Variants in DPP10 observed in about 807,000 individuals in gnomAD.
DPP10 encodes the protein inactive dipeptidyl peptidase 10.
DPP10 carries 33 observed loss-of-function variants against 120.9 expected under a neutral mutation model. The observed-to-expected ratio is 0.27, with a 90% CI of 0.21 to 0.37. DPP10 has a LOEUF of 0.37. Ranked by LOEUF, DPP10 falls within the 10% of genes least tolerant of loss-of-function variation. DPP10 has a pLI of 1.00. For synonymous variants in DPP10, 337 were observed against 326.1 expected, an observed-to-expected ratio of 1.03 and a Z score of -0.36; for missense variants, 816 against 942.8, an observed-to-expected ratio of 0.87 and a Z score of 1.76.
intron 3 of DPP10, among the ~76,000 whole-genome samples, chr2:115,486,631 T>C (rs555462416): frequency 4.6e-4 from 70 of 152,270 alleles, no homozygotes; most frequent in African/African-American, 1.6e-3. Context: ...GTCTAGAAAC[T>C]TTTGGTAAGA....
At chr2:114,685,858 A>G (rs955607983) in intron 1 of DPP10, among the ~76,000 whole-genome samples, 7 of 152,034 alleles carry the variant, frequency 4.6e-5, no homozygotes, top group Admixed American at 3.9e-4. Flanking sequence ...TCTTGCTTAC[A>G]CTGTTGGATT....
chr2:115,416,131 G>A lies in DPP10; in HGVS notation c.271+72219G>A, dbSNP rs553431838. Among the ~76,000 whole-genome samples, 38 of 152,032 alleles carry A rather than the reference G, an allele frequency of 2.5e-4. 1 individual carries two copies. The South Asian group carries it at 7.9e-3, about 32-fold the overall frequency. On this transcript the variant is annotated intron_variant, in intron 3 of 25. Coordinates refer to ENST00000410059, the MANE Select transcript of DPP10 (RefSeq NM_020868.6). ...TACTTGAAATTATATTTTGCTGTTT[G>A]CAATTAAGATGCACTGCAGAATATG...
chr2:114,925,246 G>C (rs1464444845), intron 1 of DPP10, among the ~76,000 whole-genome samples: 1 of 150,110 alleles, frequency 6.7e-6, no homozygotes, highest in East Asian at 2.0e-4. Flanking sequence ...GTCAGGTAGT[G>C]ATTAAGCAGG....
At chr2:114,695,159 A>C (rs183709433) in intron 1 of DPP10, among the ~76,000 whole-genome samples, 7 of 152,186 alleles carry the variant, frequency 4.6e-5, no homozygotes, top group Non-Finnish European at 7.4e-5. Flanking sequence ...ATAGGATCAA[A>C]GACAAAGAGG....
intron 1 of DPP10, among the ~76,000 whole-genome samples, chr2:115,098,415 T>A (rs1023159584): frequency 6.6e-6 from 1 of 152,124 alleles, no homozygotes; most frequent in Non-Finnish European, 1.5e-5. Flanking sequence ...TGTACGAACA[T>A]CATAGAGCAT....
At chr2:114,447,753 C>T (rs1415598401) in intron 1 of DPP10, among the ~76,000 whole-genome samples, 1 of 152,182 alleles carries the variant, frequency 6.6e-6, no homozygotes, top group Non-Finnish European at 1.5e-5. Flanking sequence ...TTCCATTTAG[C>T]AAGGTACAGA....
At chr2:115,440,787 T>C (rs2071966493) in intron 3 of DPP10, 1 of 152,192 alleles carries the variant, frequency 6.6e-6, no homozygotes, top group Admixed American at 6.5e-5. Context: ...AATCTTTCAT[T>C]ATAATTAGAT....
intron 3 of DPP10, among the ~76,000 whole-genome samples, chr2:115,452,418 C>T (rs2073180705): frequency 6.6e-6 from 1 of 152,034 alleles, no homozygotes; most frequent in South Asian, 2.1e-4. Context: ...TCTCTCCCAT[C>T]CCAATGTAAG....
chr2:115,447,576 G>T (rs572171046), intron 3 of DPP10, among the ~76,000 whole-genome samples: 1 of 152,098 alleles, frequency 6.6e-6, no homozygotes, highest in Admixed American at 6.6e-5. Flanking sequence ...TCATGGGTAC[G>T]GTTCCTCCCA....
intron 3 of DPP10, among the ~76,000 whole-genome samples, chr2:115,422,927 T>C (rs2070113702): frequency 6.6e-6 from 1 of 152,096 alleles, no homozygotes; most frequent in Non-Finnish European, 1.5e-5. Flanking sequence ...TGTGACTTCC[T>C]TACAAAGTCT....
intron 1 of DPP10, among the ~76,000 whole-genome samples, chr2:114,692,317 T>C (rs1474775239): frequency 6.6e-6 from 1 of 152,076 alleles, no homozygotes; most frequent in East Asian, 1.9e-4. Flanking sequence ...ATCTTGTTGA[T>C]GTCTGCCTAA....
chr2:115,236,783 T>A (rs2058027988), intron 1 of DPP10, among the ~76,000 whole-genome samples: 1 of 142,446 alleles, frequency 7.0e-6, no homozygotes, highest in African/African-American at 2.5e-5. Context: ...TGAGGTGTTA[T>A]GCAGAGTAAG....
rs190387072 is a variant in DPP10 at position 115,519,770 on chromosome 2, G to A, written c.367-6128G>A. 9.3e-4 allele frequency among the ~76,000 whole-genome samples: 142 copies of A among 151,998 alleles called. 1 individual carries two copies. Among genetic ancestry groups the A allele is most frequent in the Non-Finnish European group, 1.3e-3 (86 of 67,980 alleles). On this transcript the variant is annotated intron_variant, in intron 4 of 25. Coordinates refer to ENST00000410059, the MANE Select transcript of DPP10 (RefSeq NM_020868.6). The stretch of plus-strand genomic sequence containing the variant: ...CCCTTTTCTTCTTTTCAACTAGATC[G>A]TAATCTTTTTCCCTCTTCTCCTCCA...
chr2:115,407,636 G>T (rs1353826271), intron 3 of DPP10, among the ~76,000 whole-genome samples: 1 of 151,996 alleles, frequency 6.6e-6, no homozygotes, highest in Non-Finnish European at 1.5e-5. Flanking sequence ...GGTCTTTTAC[G>T]GGTGTGTACA....
At chr2:115,239,815 A>C (rs1486624211) in intron 1 of DPP10, among the ~76,000 whole-genome samples, 1 of 151,834 alleles carries the variant, frequency 6.6e-6, no homozygotes. Context: ...ATGCGTTCTC[A>C]TTGTTCAACT....
chr2:114,543,530 A>G (rs578062658), intron 1 of DPP10, among the ~76,000 whole-genome samples: 20 of 152,306 alleles, frequency 1.3e-4, no homozygotes, highest in African/African-American at 4.8e-4. Context: ...CTGGTGACCA[A>G]ATAAAGCCAT....
chr2:114,644,345 T>G (rs1344312025), intron 1 of DPP10, among the ~76,000 whole-genome samples: 1 of 139,942 alleles, frequency 7.1e-6, no homozygotes, highest in Non-Finnish European at 1.5e-5. Flanking sequence ...TGTGTGTCTG[T>G]GTGTGTGTGT....
chr2:115,787,553 T>C (rs1264794720), intron 17 of DPP10, among the ~76,000 whole-genome samples: 2 of 152,066 alleles, frequency 1.3e-5, no homozygotes, highest in Non-Finnish European at 2.9e-5. Context: ...TTGACACAAA[T>C]AGAAAAGGAA....
intron 1 of DPP10, among the ~76,000 whole-genome samples, chr2:114,504,662 C>T (rs1186585243): frequency 6.6e-6 from 1 of 152,186 alleles, no homozygotes; most frequent in Non-Finnish European, 1.5e-5. Flanking sequence ...CTATTCTCAA[C>T]ACATGTCATG....
Sources: allele counts gnomAD v4.1 joint callset (sites outside exome capture counted in the v4.1 genomes callset), GRCh38; gene constraint gnomAD v4.1.1; transcripts MANE v1.5; gene names NCBI Gene and HGNC (gene_info 2026-07-23, HGNC 2026-07-21).